Variants in ATP2B2 observed in about 807,000 individuals in gnomAD.
ATP2B2 encodes the protein plasma membrane calcium-transporting ATPase 2.
In ATP2B2, 15 loss-of-function variants were observed where a neutral mutation model predicts 120.0. The ratio of observed to expected loss-of-function variants is 0.12; its 90% CI spans 0.08 to 0.19. The LOEUF (loss-of-function observed/expected upper bound fraction) is 0.19. Ranked by LOEUF, ATP2B2 falls within the 10% of genes least tolerant of loss-of-function variation. The pLI, the probability that ATP2B2 is intolerant of heterozygous loss-of-function variation, is 1.00. For synonymous variants in ATP2B2, 694 were observed against 700.3 expected (o/e 0.99, Z 0.14); for missense variants, 1,045 against 1,719.8 (o/e 0.61, Z 6.94).
At position 10,448,885 on chromosome 3, in the gene ATP2B2, C is replaced by T. The variant is rs139607517; in HGVS notation, c.199+460G>A. The stretch of plus-strand genomic sequence containing the variant: ...TCCTGGGGCCTGGGGAAGGAAGGAC[C>T]GGGCCTGCATGGTTGGAACCCCCAA... On this transcript the variant is annotated intron_variant, in intron 2 of 22. Coordinates refer to ENST00000360273, the MANE Select transcript of ATP2B2 (RefSeq NM_001001331.4). Among the ~76,000 whole-genome samples, 6 of 152,316 alleles carry T rather than the reference C, an allele frequency of 3.9e-5. No individual in the cohort carries two copies. In the East Asian group the frequency reaches 7.7e-4, roughly 20 times the overall value.
intron 18 of ATP2B2, among the ~76,000 whole-genome samples, chr3:10,345,018 C>T (rs943208552): frequency 6.6e-6 from 1 of 152,234 alleles, no homozygotes; most frequent in Non-Finnish European, 1.5e-5. Flanking sequence ...CCCCTTGGGC[C>T]CTGGCCTGCC....
intron 3 of ATP2B2, among the ~76,000 whole-genome samples, chr3:10,526,694 C>T (rs2067102255): frequency 6.6e-6 from 1 of 152,060 alleles, no homozygotes; most frequent in African/African-American, 2.4e-5. Context: ...CCCATTAGGG[C>T]CAGTGAGGGG....
chr3:10,349,854 G>A lies in ATP2B2; in HGVS notation c.2404+258C>T, dbSNP rs944550834. On this transcript the variant is annotated intron_variant, in intron 16 of 22. Transcript: ENST00000360273. Reference sequence around the variant, plus strand: ...CATTCAGCGCTGAGCCAGGAGTTTGGGACCCCACACAGGCCCAGGTCCATT... The same window carrying A: ...CATTCAGCGCTGAGCCAGGAGTTTGAGACCCCACACAGGCCCAGGTCCATT... 9.2e-5 allele frequency among the ~76,000 whole-genome samples: 14 copies of A among 152,190 alleles called. 1 individual carries two copies. The highest frequency in any genetic ancestry group is 3.4e-4 in the African/African-American group (14 of 41,440).
chr3:10,534,792 T>A (rs1446505654), intron 2 of ATP2B2, among the ~76,000 whole-genome samples: 4 of 152,156 alleles, frequency 2.6e-5, no homozygotes, highest in South Asian at 2.1e-4. Flanking sequence ...GCCGTGGGTC[T>A]TAGAAACGCC....
intron 2 of ATP2B2, among the ~76,000 whole-genome samples, chr3:10,550,331 A>C (rs912028450): frequency 6.6e-6 from 1 of 152,228 alleles, no homozygotes; most frequent in Non-Finnish European, 1.5e-5. Flanking sequence ...ATGTAGACAG[A>C]GTGTTTTACC....
Position 10,341,975 on chromosome 3 carries a change from G to A in ATP2B2, c.2917+777C>T, listed in dbSNP as rs114846353. ...TGAGGACAAGTGAAAGGCCAGCTCCGGGAGGCTCCTGTAAGGAGAGAACTG... is the reference window on the plus strand; with the variant it reads ...TGAGGACAAGTGAAAGGCCAGCTCCAGGAGGCTCCTGTAAGGAGAGAACTG... On this transcript the variant is annotated intron_variant, in intron 19 of 22. Transcript: ENST00000360273. Among the ~76,000 whole-genome samples, 673 of 152,362 alleles carry A rather than the reference G, an allele frequency of 4.4e-3. 3 individuals carry two copies. The highest frequency in any genetic ancestry group is 0.015 in the African/African-American group (629 of 41,586).
chr3:10,695,758 T>C (rs1359535596), intron 1 of ATP2B2, among the ~76,000 whole-genome samples: 1 of 152,152 alleles, frequency 6.6e-6, no homozygotes, highest in East Asian at 1.9e-4. Context: ...ACCTGTAGAT[T>C]TTTCAGCAAC....
At chr3:10,354,457 C>T (rs1227568012) in intron 14 of ATP2B2, among the ~76,000 whole-genome samples, 5 of 152,180 alleles carry the variant, frequency 3.3e-5, no homozygotes, top group African/African-American at 1.2e-4. Flanking sequence ...GAAATGGGTG[C>T]TTCCTGTTTT....
At chr3:10,554,252 G>C (rs1235870133) in intron 2 of ATP2B2, among the ~76,000 whole-genome samples, 1 of 152,196 alleles carries the variant, frequency 6.6e-6, no homozygotes, top group Non-Finnish European at 1.5e-5. Flanking sequence ...AGGGGAGACA[G>C]CTTGCCCAAG....
chr3:10,428,846 G>A (rs114572759), intron 2 of ATP2B2, among the ~76,000 whole-genome samples: 2,410 of 152,338 alleles, frequency 0.016, 71 homozygotes, highest in African/African-American at 0.056. Context: ...TTCCTAAAGC[G>A]GACTTGTCAC....
chr3:10,542,916 G>C (rs1176764890), intron 2 of ATP2B2, among the ~76,000 whole-genome samples: 1 of 152,120 alleles, frequency 6.6e-6, no homozygotes, highest in East Asian at 1.9e-4. Context: ...TATTTCTTCA[G>C]GTACTTTTTC....
chr3:10,426,175 C>T lies in ATP2B2; in HGVS notation c.200-15360G>A, dbSNP rs13319485. ...TCAGCACTTCTTTTGGCTGAACCCCCCTCCTAGATAGGTTACACCCCCTTC... is the reference window on the plus strand; with the variant it reads ...TCAGCACTTCTTTTGGCTGAACCCCTCTCCTAGATAGGTTACACCCCCTTC... On this transcript the variant is annotated intron_variant, in intron 2 of 22. Transcript: ENST00000360273. 4.3e-3 allele frequency among the ~76,000 whole-genome samples: 660 copies of T among 152,260 alleles called. 5 individuals carry two copies. Among genetic ancestry groups the T allele is most frequent in the African/African-American group, 0.015 (624 of 41,546 alleles).
chr3:10,661,382 A>C (rs541174583), intron 1 of ATP2B2, among the ~76,000 whole-genome samples: 2 of 152,206 alleles, frequency 1.3e-5, no homozygotes, highest in African/African-American at 4.8e-5. Flanking sequence ...CTTAAGCTGA[A>C]TAAGCAACTT....
At chr3:10,474,545 C>A (rs2065134618) in intron 1 of ATP2B2, among the ~76,000 whole-genome samples, 1 of 152,226 alleles carries the variant, frequency 6.6e-6, no homozygotes, top group African/African-American at 2.4e-5. Flanking sequence ...AGCCACGCAG[C>A]CACCCTGGCA....
intron 2 of ATP2B2, among the ~76,000 whole-genome samples, chr3:10,601,722 T>A (rs902107133): frequency 2.0e-5 from 3 of 152,116 alleles, no homozygotes; most frequent in African/African-American, 7.2e-5. Flanking sequence ...GGAGCCTGCA[T>A]GTACACACAG....
intron 5 of ATP2B2, among the ~76,000 whole-genome samples, chr3:10,391,704 T>C (rs530584983): frequency 6.6e-6 from 1 of 152,170 alleles, no homozygotes; most frequent in East Asian, 1.9e-4. Context: ...GCATCTACAA[T>C]CCCCAGTCCT....
chr3:10,480,285 G>A (rs906316743), intron 1 of ATP2B2, among the ~76,000 whole-genome samples: 9 of 152,178 alleles, frequency 5.9e-5, no homozygotes, highest in African/African-American at 1.7e-4. Flanking sequence ...AACACCGACC[G>A]ACAGCGTTGC....
intron 7 of ATP2B2, among the ~76,000 whole-genome samples, chr3:10,385,573 G>T (rs1293429883): frequency 6.6e-6 from 1 of 152,200 alleles, no homozygotes; most frequent in Non-Finnish European, 1.5e-5. Flanking sequence ...GATGACCAGG[G>T]TGGTTAGCTG....
intron 2 of ATP2B2, among the ~76,000 whole-genome samples, chr3:10,420,525 C>T (rs1019745509): frequency 3.3e-5 from 5 of 152,314 alleles, no homozygotes; most frequent in Middle Eastern, 3.4e-3. Context: ...CCATGCCTGG[C>T]TAATTTTTGT....
Sources: allele counts gnomAD v4.1 joint callset (sites outside exome capture counted in the v4.1 genomes callset), GRCh38; gene constraint gnomAD v4.1.1; transcripts MANE v1.5; gene names NCBI Gene and HGNC (gene_info 2026-07-23, HGNC 2026-07-21).